The following FGF14 variants were observed in gnomAD, a reference collection of about 807,000 sequenced individuals.
FGF14 encodes the protein fibroblast growth factor homologous factor 4.
A neutral mutation model predicts 25.5 loss-of-function variants in FGF14; 5 were observed. The ratio of observed to expected loss-of-function variants is 0.20; its 90% confidence interval spans 0.10 to 0.41. FGF14 has a LOEUF of 0.41. FGF14 is among the 10% of genes least tolerant of loss of function. The probability of loss-of-function intolerance (pLI) is 1.00; values close to 1 mark genes in which losing one functional copy is unlikely to be tolerated. For missense variants in FGF14, 222 were observed against 320.1 expected (o/e 0.69, Z 2.34); for synonymous variants, 138 against 118.3 (o/e 1.17, Z -1.08).
intron 1 of FGF14, among the ~76,000 whole-genome samples, chr13:102,161,839 A>G (rs1294095698): frequency 3.9e-5 from 6 of 151,948 alleles, no homozygotes; most frequent in Non-Finnish European, 8.8e-5. Context: ...TAAAAAAAAA[A>G]AAAAACCTGG....
rs906621194 is a variant in FGF14 at position 102,359,034 on chromosome 13, T to C, written c.208+42437A>G. On this transcript the variant is annotated intron_variant, in intron 1 of 4. Coordinates refer to the FGF14 transcript ENST00000376131. ...TCCTTTGCAGGAACATGGATGGAGC[T>C]GGAAGCCATTATCCTCAGCAAACTA... 5.9e-5 allele frequency among the ~76,000 whole-genome samples: 9 copies of C among 152,174 alleles called. No individual in the cohort carries two copies. In the East Asian group the frequency reaches 1.7e-3, roughly 29 times the overall value.
intron 1 of FGF14, among the ~76,000 whole-genome samples, chr13:102,173,030 T>A (rs2048311392): frequency 6.6e-6 from 1 of 152,182 alleles, no homozygotes; most frequent in African/African-American, 2.4e-5. Flanking sequence ...TATCAGCTTA[T>A]AAACTAACAG....
chr13:102,283,716 C>A (rs1435552174), intron 1 of FGF14, among the ~76,000 whole-genome samples: 2 of 152,152 alleles, frequency 1.3e-5, no homozygotes, highest in Non-Finnish European at 2.9e-5. Flanking sequence ...ATCAAAATTT[C>A]TTTTCTCTAA....
intron 1 of FGF14, among the ~76,000 whole-genome samples, chr13:101,903,220 T>G (rs2031793789): frequency 6.7e-6 from 1 of 150,182 alleles, no homozygotes; most frequent in Non-Finnish European, 1.5e-5. Context: ...AGATCAGAGT[T>G]GTGGAGACTC....
At chr13:101,905,805 T>C (rs1355953709) in intron 1 of FGF14, among the ~76,000 whole-genome samples, 3 of 152,138 alleles carry the variant, frequency 2.0e-5, no homozygotes, top group East Asian at 3.9e-4. Context: ...ATGCTGACTT[T>C]TATTATGATT....
intron 1 of FGF14, among the ~76,000 whole-genome samples, chr13:102,103,055 T>A (rs1009999034): frequency 2.6e-5 from 4 of 152,152 alleles, no homozygotes; most frequent in African/African-American, 9.7e-5. Flanking sequence ...AGAAATGACA[T>A]TGAAGGTCTA....
At chr13:102,069,237 C>G (rs895023611) in intron 1 of FGF14, among the ~76,000 whole-genome samples, 1 of 152,094 alleles carries the variant, frequency 6.6e-6, no homozygotes, top group Non-Finnish European at 1.5e-5. Context: ...CCTTGGAGAA[C>G]CTGTGTGTCA....
rs187646938 is a variant in FGF14, at chr13:102,376,263, G to C, written c.208+25208C>G. ...TATACATGGCAGTTTCCCTACACAAGCTCTCTTGCCTGTCACCATGTAAGA... is the reference window on the plus strand; with the variant it reads ...TATACATGGCAGTTTCCCTACACAACCTCTCTTGCCTGTCACCATGTAAGA... On this transcript the variant is annotated intron_variant, in intron 1 of 4. Coordinates refer to the FGF14 transcript ENST00000376131. Among the ~76,000 whole-genome samples, 350 of 152,240 alleles carry C rather than the reference G, an allele frequency of 2.3e-3. 2 individuals carry two copies. The highest frequency in any genetic ancestry group is 3.7e-3 in the Non-Finnish European group (253 of 68,010).
chr13:101,961,137 GTATAT>G (rs1436177241), intron 1 of FGF14, among the ~76,000 whole-genome samples: 1 of 152,136 alleles, frequency 6.6e-6, no homozygotes, highest in African/African-American at 2.4e-5. Context: ...TCTGTAGGTT[GTATAT>G]TCACTCTGAT....
Position 101,730,587 on chromosome 13 carries a change from T to C in FGF14, c.409-3777A>G, listed in dbSNP as rs1292102935. Among the ~76,000 whole-genome samples, 4 of 152,318 alleles carry C rather than the reference T, an allele frequency of 2.6e-5. No homozygotes were observed. In the East Asian group the frequency reaches 7.7e-4, roughly 29 times the overall value. ...TGACCAACATAAACAAAAATGCTCT[T>C]GAGAGTAATTGCACAGTCATACTTT... On this transcript the variant is annotated intron_variant, in intron 3 of 4. Transcript: ENST00000376143.
chr13:102,086,255 T>C (rs1216282063), intron 1 of FGF14, among the ~76,000 whole-genome samples: 1 of 152,168 alleles, frequency 6.6e-6, no homozygotes, highest in Non-Finnish European at 1.5e-5. Flanking sequence ...AGTGCTTCGG[T>C]CATGCCTGTA....
chr13:102,114,114 A>G (rs1445279417), intron 1 of FGF14, among the ~76,000 whole-genome samples: 1 of 152,236 alleles, frequency 6.6e-6, no homozygotes, highest in Non-Finnish European at 1.5e-5. Flanking sequence ...ATCTAGTCCA[A>G]GGAGGAAAAT....
At chr13:102,164,832 TAAGAA>T (rs1296666967) in intron 1 of FGF14, among the ~76,000 whole-genome samples, 2 of 152,154 alleles carry the variant, frequency 1.3e-5, no homozygotes, top group African/African-American at 4.8e-5. Context: ...AGATATAAAA[TAAGAA>T]AATATAAAGA....
intron 1 of FGF14, among the ~76,000 whole-genome samples, chr13:102,019,337 C>G (rs1422082677): frequency 6.6e-6 from 1 of 152,142 alleles, no homozygotes; most frequent in Non-Finnish European, 1.5e-5. Context: ...GACCTGTTTC[C>G]AGGCAGAATC....
intron 1 of FGF14, among the ~76,000 whole-genome samples, chr13:101,892,232 T>C (rs1408420278): frequency 6.6e-6 from 1 of 152,178 alleles, no homozygotes; most frequent in Non-Finnish European, 1.5e-5. Context: ...AATTTTCCCC[T>C]AAGGAAAAGT....
intron 1 of FGF14, among the ~76,000 whole-genome samples, chr13:102,250,597 G>A (rs192342644): frequency 1.2e-4 from 19 of 152,146 alleles, no homozygotes; most frequent in African/African-American, 4.3e-4. Context: ...GGGAAACCAC[G>A]GTGCATTTTG....
intron 1 of FGF14, among the ~76,000 whole-genome samples, chr13:102,225,120 C>T (rs2050775742): frequency 6.6e-6 from 1 of 152,118 alleles, no homozygotes; most frequent in African/African-American, 2.4e-5. Context: ...CACGAGAGCT[C>T]CTCCTCCTGT....
rs146965568 is a variant in FGF14 at position 102,080,126 on chromosome 13, G to A, written c.209-204830C>T. Among the ~76,000 whole-genome samples the A allele has an allele frequency of 3.9e-5, 6 of 152,168 alleles. No homozygotes were observed. In the East Asian group the frequency reaches 1.2e-3, roughly 29 times the overall value. Reference sequence around the variant, plus strand: ...AAGCCACTGGAGTGTCTGTGTAGAGGCCTGATACCATTTGACTTGAGTATT... The same window carrying A: ...AAGCCACTGGAGTGTCTGTGTAGAGACCTGATACCATTTGACTTGAGTATT... On this transcript the variant is annotated intron_variant, in intron 1 of 4. Transcript: ENST00000376131.
chr13:102,065,600 C>T (rs1431822282), intron 1 of FGF14, among the ~76,000 whole-genome samples: 1 of 151,976 alleles, frequency 6.6e-6, no homozygotes, highest in Non-Finnish European at 1.5e-5. Flanking sequence ...AAAATTAAGG[C>T]ATTTTCTATA....
Sources: allele counts gnomAD v4.1 joint callset (sites outside exome capture counted in the v4.1 genomes callset), GRCh38; gene constraint gnomAD v4.1.1; transcripts MANE v1.5; gene names NCBI Gene and HGNC (gene_info 2026-07-23, HGNC 2026-07-21).